GMDS: variants seen among roughly 807,000 people sequenced by gnomAD.
GMDS encodes the protein GDP-mannose 4,6 dehydratase.
In GMDS, 20 loss-of-function variants were observed where a neutral mutation model predicts 49.9. The observed-to-expected ratio is 0.40, with a 90% confidence interval of 0.28 to 0.58. The LOEUF is 0.58. Among genes scored for constraint, GMDS ranks in the 20% least tolerant of loss-of-function variants. The pLI, the probability that GMDS is intolerant of heterozygous loss-of-function variation, is 0.42. For synonymous variants in GMDS, 177 were observed against 178.6 expected (o/e 0.99, Z 0.07); for missense variants, 362 against 481.4 (o/e 0.75, Z 2.32).
At chr6:1,624,588 G>A in intron 9 of GMDS, 48 bp from the exon 10 acceptor site, 4 of 1,329,060 alleles carry the variant, frequency 3.0e-6, no homozygotes, top group Non-Finnish European at 4.3e-6. Context: ...CGTGGGGGTG[G>A]GGGCAGCAGG....
rs1286003406 is a variant in GMDS at position 1,833,768 on chromosome 6, G to A, written c.772-91182C>T. 6.6e-6 allele frequency among the ~76,000 whole-genome samples: 1 copy of A among 152,300 alleles called. No homozygotes were observed. Among genetic ancestry groups the A allele is most frequent in the South Asian group, 2.1e-4 (1 of 4,822 alleles). ...GTTGAAAGATCCTCATTATTCAAGA[G>A]AAGGGAAATTTATGAAGGCAGAAAT... is the stretch of plus-strand genomic sequence containing the variant. On this transcript the variant is annotated intron_variant, in intron 7 of 10. Coordinates refer to ENST00000380815, the MANE Select transcript of GMDS (RefSeq NM_001500.4). This position sits in a 1 kb window ranked among gnomAD's most constrained non-coding sequence, Gnocchi z 4.4.
At chr6:1,691,534 A>G (rs1307871361) in intron 9 of GMDS, among the ~76,000 whole-genome samples, 1 of 152,164 alleles carries the variant, frequency 6.6e-6, no homozygotes, top group Non-Finnish European at 1.5e-5. Flanking sequence ...ATAAAAATAA[A>G]GTGATCTTAG....
chr6:1,948,181 T>C (rs1763178201), intron 6 of GMDS, among the ~76,000 whole-genome samples: 1 of 152,216 alleles, frequency 6.6e-6, no homozygotes, highest in African/African-American at 2.4e-5. Flanking sequence ...TAGTAGAACC[T>C]AGACTGAGTC....
intron 4 of GMDS, among the ~76,000 whole-genome samples, chr6:2,074,141 A>T (rs1008765734): frequency 6.6e-6 from 1 of 152,212 alleles, no homozygotes; most frequent in Admixed American, 6.5e-5. Context: ...CAACCAGTGT[A>T]CAAGAGTTCC....
chr6:2,048,899 C>T (rs2127434854), intron 4 of GMDS, among the ~76,000 whole-genome samples: 1 of 152,288 alleles, frequency 6.6e-6, no homozygotes. Context: ...TTTGTTTCCC[C>T]TCCCAAAATA....
chr6:1,651,629 G>A (rs553340473), intron 9 of GMDS, among the ~76,000 whole-genome samples: 2 of 152,298 alleles, frequency 1.3e-5, no homozygotes, highest in African/African-American at 4.8e-5. Context: ...TCTCTGTTCT[G>A]GGAGAAAACA....
intron 9 of GMDS, among the ~76,000 whole-genome samples, chr6:1,656,093 TAG>T (rs1763871465): frequency 6.6e-6 from 1 of 152,238 alleles, no homozygotes; most frequent in South Asian, 2.1e-4. Flanking sequence ...GCCCTGGCTC[TAG>T]GACATCTGCC....
chr6:1,673,031 C>T (rs1206161435), intron 9 of GMDS, among the ~76,000 whole-genome samples: 1 of 152,224 alleles, frequency 6.6e-6, no homozygotes, highest in Non-Finnish European at 1.5e-5. Flanking sequence ...ATGAAACAAA[C>T]ATTGATCAGC....
chr6:2,139,908 C>T (rs113379338), intron 1 of GMDS, among the ~76,000 whole-genome samples: 2 of 152,152 alleles, frequency 1.3e-5, no homozygotes, highest in African/African-American at 2.4e-5. Context: ...ACTTGAGCTG[C>T]GTAGTCCAAG....
chr6:2,238,225 A>C (rs1047119841), intron 1 of GMDS, among the ~76,000 whole-genome samples: 4 of 83,536 alleles, frequency 4.8e-5, no homozygotes, highest in African/African-American at 2.7e-4. Context: ...GTCTCTACAA[A>C]AAAAAAAAAA....
intron 7 of GMDS, among the ~76,000 whole-genome samples, chr6:1,816,484 T>C (rs1398975722): frequency 6.6e-6 from 1 of 152,182 alleles, no homozygotes; most frequent in Non-Finnish European, 1.5e-5. Context: ...ATTAATTCGA[T>C]TTATTCATAT....
intron 4 of GMDS, among the ~76,000 whole-genome samples, chr6:2,017,455 C>T (rs1335139610): frequency 2.6e-5 from 4 of 152,058 alleles, no homozygotes; most frequent in East Asian, 1.9e-4. Flanking sequence ...ATTACAGGCG[C>T]GTGCCACTGC....
chr6:1,644,061 T>C (rs1020421145), intron 9 of GMDS, among the ~76,000 whole-genome samples: 4 of 152,098 alleles, frequency 2.6e-5, no homozygotes, highest in African/African-American at 9.7e-5. Flanking sequence ...GTGACTGACA[T>C]TGCCCCGTGT....
intron 7 of GMDS, among the ~76,000 whole-genome samples, chr6:1,827,996 A>AT (rs1771201058): frequency 6.6e-6 from 1 of 152,206 alleles, no homozygotes; most frequent in Admixed American, 6.5e-5. Context: ...GACTTACCAG[A>AT]TAAATAACTA....
At chr6:2,126,427 A>G (rs1389492795) in intron 1 of GMDS, among the ~76,000 whole-genome samples, 4 of 152,218 alleles carry the variant, frequency 2.6e-5, no homozygotes, top group Middle Eastern at 3.4e-3. Flanking sequence ...CAGATATTCC[A>G]GGGGGAAAAA....
At chr6:1,676,353 C>T (rs1476441671) in intron 9 of GMDS, among the ~76,000 whole-genome samples, 1 of 152,214 alleles carries the variant, frequency 6.6e-6, no homozygotes, top group Non-Finnish European at 1.5e-5. Flanking sequence ...AATGGCCACA[C>T]TGCCCAAGGT....
chr6:2,097,186 C>G (rs749341062), intron 4 of GMDS, among the ~76,000 whole-genome samples: 17 of 152,070 alleles, frequency 1.1e-4, no homozygotes, highest in African/African-American at 4.1e-4. Flanking sequence ...TTACAGATCA[C>G]TGAATTTTTG....
chr6:2,173,012 C>T (rs1330772830), intron 1 of GMDS, among the ~76,000 whole-genome samples: 2 of 152,140 alleles, frequency 1.3e-5, no homozygotes, highest in African/African-American at 2.4e-5. Context: ...AAACTGTACA[C>T]AATGCCGTGT....
At chr6:1,713,906 A>G (rs539631419) in intron 9 of GMDS, among the ~76,000 whole-genome samples, 47 of 152,362 alleles carry the variant, frequency 3.1e-4, no homozygotes, top group Non-Finnish European at 4.9e-4. Flanking sequence ...CTTGTTTTAG[A>G]AAACATATCC....
Sources: allele counts gnomAD v4.1 joint callset (sites outside exome capture counted in the v4.1 genomes callset), GRCh38; gene constraint gnomAD v4.1.1; non-coding constraint Gnocchi (gnomAD v3.1); transcripts MANE v1.5; gene names NCBI Gene and HGNC (gene_info 2026-07-23, HGNC 2026-07-21).